Variants in TYR observed in about 807,000 individuals in gnomAD.
TYR encodes the protein tyrosinase, also known as LB24-AB.
Under a neutral mutation model 51.5 loss-of-function variants are expected in TYR, and 58 were observed. The ratio of observed to expected loss-of-function variants is 1.13; its 90% CI spans 0.91 to 1.40. The LOEUF (loss-of-function observed/expected upper bound fraction) is 1.40. TYR is among the 40% of genes most tolerant of loss of function. The pLI is 0.00. For synonymous variants in TYR, 263 were observed against 235.2 expected, an observed-to-expected ratio of 1.12 and a Z score of -1.08; for missense variants, 732 against 647.4, an observed-to-expected ratio of 1.13 and a Z score of -1.42.
At chr11:89,183,370 A>T (rs1943326714) in intron 1 of TYR, among the ~76,000 whole-genome samples, 1 of 152,136 alleles carries the variant, frequency 6.6e-6, no homozygotes, top group Non-Finnish European at 1.5e-5. Flanking sequence ...GCCATTTAGT[A>T]GACGACATTG....
intron 2 of TYR, among the ~76,000 whole-genome samples, chr11:89,211,618 G>T (rs1241551285): frequency 1.3e-5 from 2 of 152,138 alleles, no homozygotes; most frequent in African/African-American, 4.8e-5. Flanking sequence ...GACATCTACA[G>T]AACTCTCCAC....
chr11:89,250,155 T>G (rs1944314340), intron 3 of TYR, among the ~76,000 whole-genome samples: 1 of 152,010 alleles, frequency 6.6e-6, no homozygotes, highest in Non-Finnish European at 1.5e-5. Context: ...AATATATCAG[T>G]GGTCTGAATT....
At chr11:89,215,735 T>C (rs1355098603) in intron 2 of TYR, among the ~76,000 whole-genome samples, 4 of 152,270 alleles carry the variant, frequency 2.6e-5, no homozygotes, top group South Asian at 2.1e-4. Flanking sequence ...AATCAAATAG[T>C]GTTCATAGTG....
intron 2 of TYR, among the ~76,000 whole-genome samples, chr11:89,197,883 T>C (rs2135258864): frequency 6.9e-6 from 1 of 144,166 alleles, no homozygotes; most frequent in Non-Finnish European, 1.5e-5. Flanking sequence ...ACAGCACTTA[T>C]AAAGCTGATA....
Position 89,283,783 on chromosome 11 carries a change from T to C in TYR, c.1185-990T>C, listed in dbSNP as rs530646315. 3.3e-5 allele frequency: 5 copies of C among 152,026 alleles called. No individual in the cohort carries two copies. In the East Asian group the frequency reaches 7.8e-4, roughly 24 times the overall value. 9.4% of individuals were successfully genotyped at this position (152,026 alleles called of 1,614,324 possible). A position where few individuals can be genotyped will look rare whatever the true frequency, so the allele number is the denominator to read the frequency against. On this transcript the variant is annotated intron_variant, in intron 3 of 4. Transcript: ENST00000263321. ...CTCTACAACTTGAGTTTCTACTCCATTCTTACTGGACTTTTTTCAATCCTT... is the reference window on the plus strand; with the variant it reads ...CTCTACAACTTGAGTTTCTACTCCACTCTTACTGGACTTTTTTCAATCCTT...
At chr11:89,203,603 T>A (rs749261047) in intron 2 of TYR, among the ~76,000 whole-genome samples, 25 of 151,972 alleles carry the variant, frequency 1.6e-4, no homozygotes, top group Non-Finnish European at 3.2e-4. Flanking sequence ...ACAGAAAGAA[T>A]GTAAATAGTG....
In TYR at chr11:89,276,629, G is replaced by A. The variant is rs186496283; in HGVS notation, c.1185-8144G>A. ...TGAGTATAAAGTGTGTGAGTCCTGA[G>A]TCCTCTGAGAAAAGGAACACTTAAG... On this transcript the variant is annotated intron_variant, in intron 3 of 4. Coordinates refer to ENST00000263321, the MANE Select transcript of TYR (RefSeq NM_000372.5). Among the ~76,000 whole-genome samples, 292 of 151,786 alleles carry A rather than the reference G, an allele frequency of 1.9e-3. 1 individual carries two copies. The highest frequency in any genetic ancestry group is 0.013 in the South Asian group (65 of 4,824).
chr11:89,251,272 G>A (rs148386146), intron 3 of TYR, among the ~76,000 whole-genome samples: 1,590 of 151,978 alleles, frequency 0.01, 23 homozygotes, highest in African/African-American at 0.034. Context: ...TCCTTTACCA[G>A]ATTATTCATA....
intron 3 of TYR, among the ~76,000 whole-genome samples, chr11:89,265,649 A>T (rs1445374360): frequency 6.6e-6 from 1 of 152,104 alleles, no homozygotes; most frequent in East Asian, 1.9e-4. Context: ...GTTTGTTCTC[A>T]GAGGGGGTTT....
intron 2 of TYR, among the ~76,000 whole-genome samples, chr11:89,222,130 G>GCCTTTA: frequency 6.6e-6 from 1 of 152,166 alleles, no homozygotes; most frequent in African/African-American, 2.4e-5. Flanking sequence ...AAGGATTTTT[G>GCCTTTA]GACTGTCAGA....
chr11:89,211,967 T>C (rs868204984), intron 2 of TYR, among the ~76,000 whole-genome samples: 38 of 152,316 alleles, frequency 2.5e-4, no homozygotes, highest in Admixed American at 1.4e-3. Context: ...GAGAAATTTA[T>C]AGCACTAAAT....
In TYR at chr11:89,246,934, A is replaced by C. The variant is rs555119103; in HGVS notation, c.1184+18964A>C. On this transcript the variant is annotated intron_variant, in intron 3 of 4. Coordinates refer to ENST00000263321, the MANE Select transcript of TYR (RefSeq NM_000372.5). ...GGGGGTAGGTAAGCTTGGAAACCAG[A>C]AAAATGTCTTAAAGTCTATTCTAGC... Among the ~76,000 whole-genome samples, 11 of 152,250 alleles carry C rather than the reference A, an allele frequency of 7.2e-5. No individual in the cohort carries two copies. The East Asian group carries it at 1.9e-3, about 27-fold the overall frequency.
At chr11:89,206,304 A>T (rs1262980780) in intron 2 of TYR, among the ~76,000 whole-genome samples, 4 of 152,158 alleles carry the variant, frequency 2.6e-5, no homozygotes, top group African/African-American at 4.8e-5. Flanking sequence ...AAGGATGGAA[A>T]AAATCATAAA....
At chr11:89,270,271 C>T (rs1182458601) in intron 3 of TYR, among the ~76,000 whole-genome samples, 1 of 151,746 alleles carries the variant, frequency 6.6e-6, no homozygotes, top group Non-Finnish European at 1.5e-5. Flanking sequence ...TATTACTTTG[C>T]CTAGATCTCT....
chr11:89,238,392 T>C (rs1425783100), intron 3 of TYR, among the ~76,000 whole-genome samples: 1 of 152,170 alleles, frequency 6.6e-6, no homozygotes, highest in Non-Finnish European at 1.5e-5. Flanking sequence ...TTTTGGATAG[T>C]TCATTGTTAG....
intron 2 of TYR, among the ~76,000 whole-genome samples, chr11:89,216,629 G>A (rs1943835719): frequency 8.5e-6 from 1 of 118,092 alleles, no homozygotes; most frequent in Admixed American, 1.0e-4. Flanking sequence ...CTCCAGCCTG[G>A]ATGGAGTTTT....
chr11:89,242,161 G>A (rs191559734), intron 3 of TYR, among the ~76,000 whole-genome samples: 77 of 152,040 alleles, frequency 5.1e-4, no homozygotes, highest in South Asian at 1.5e-3. Context: ...ATTTCAGAAG[G>A]GGCTTCTTTG....
intron 3 of TYR, among the ~76,000 whole-genome samples, chr11:89,230,576 T>A (rs1184856532): frequency 6.6e-6 from 1 of 151,946 alleles, no homozygotes; most frequent in Non-Finnish European, 1.5e-5. Context: ...AGAAAACAAT[T>A]AACATGATAG....
chr11:89,216,489 T>G (rs1591161251), intron 2 of TYR, among the ~76,000 whole-genome samples: 1 of 151,694 alleles, frequency 6.6e-6, no homozygotes. Context: ...CCATCTCTAC[T>G]AAAAATACAA....
Sources: gnomAD v4.1 joint callset for allele counts (sites outside exome capture counted in the v4.1 genomes callset) on GRCh38, gnomAD v4.1.1 for gene constraint, MANE v1.5 for transcripts, NCBI Gene and HGNC (gene_info 2026-07-23, HGNC 2026-07-21) for gene names.